Variants in ANKRD11 observed in about 807,000 individuals in gnomAD.
ANKRD11 encodes ankyrin repeat domain 11.
In ANKRD11, 17 loss-of-function variants were observed where a neutral mutation model predicts 195.7. The ratio of observed to expected loss-of-function variants is 0.09; its 90% CI spans 0.06 to 0.13. The LOEUF (loss-of-function observed/expected upper bound fraction) is 0.13, where lower values mean the gene tolerates loss of function less well. ANKRD11 is among the 10% of genes least tolerant of loss of function. ANKRD11 has a pLI of 1.00. For synonymous variants in ANKRD11, 1,953 were observed against 1,528.1 expected (o/e 1.28, Z -6.49); for missense variants, 3,735 against 3,566.1 (o/e 1.05, Z -1.21).
intron 1 of ANKRD11, among the ~76,000 whole-genome samples, chr16:89,462,787 G>A (rs2056732963): frequency 6.6e-6 from 1 of 150,978 alleles, no homozygotes; most frequent in South Asian, 2.1e-4. Flanking sequence ...AAGACCCTCT[G>A]CCCGGCAACC....
At position 89,319,638 on chromosome 16, in the gene ANKRD11, C is replaced by T. The variant is rs537748763; in HGVS notation, c.-59-2560G>A. On this transcript the variant is annotated intron_variant, in intron 2 of 12. Coordinates refer to ENST00000301030, the MANE Select transcript of ANKRD11 (RefSeq NM_013275.6). ...CCCCAGCCCCCGCCTCTCCATGAAC[C>T]ACCACCCTCATCACAGTCATGGAGA... is the stretch of plus-strand genomic sequence containing the variant. Among the ~76,000 whole-genome samples the T allele has an allele frequency of 1.2e-4, 18 of 152,334 alleles. 1 individual carries two copies. Among genetic ancestry groups the T allele is most frequent in the Admixed American group, 6.5e-4 (10 of 15,306 alleles).
chr16:89,415,895 T>C (rs900996543), intron 2 of ANKRD11, among the ~76,000 whole-genome samples: 2 of 142,398 alleles, frequency 1.4e-5, no homozygotes, highest in South Asian at 2.3e-4. Context: ...GGCCCTCACA[T>C]GCCCATGTGG....
chr16:89,470,073 T>C (rs1214394230), intron 1 of ANKRD11, among the ~76,000 whole-genome samples: 1 of 150,858 alleles, frequency 6.6e-6, no homozygotes, highest in East Asian at 2.0e-4. Context: ...GCCCGGCTAA[T>C]TTTTTTGTAT....
chr16:89,466,383 G>A (rs985944120), intron 1 of ANKRD11, among the ~76,000 whole-genome samples: 3 of 152,232 alleles, frequency 2.0e-5, no homozygotes, highest in African/African-American at 7.2e-5. Context: ...GGGACCGCAT[G>A]AGGATGGAAA....
intron 2 of ANKRD11, among the ~76,000 whole-genome samples, chr16:89,417,826 C>A (rs1307528429): frequency 3.3e-5 from 5 of 151,972 alleles, no homozygotes; most frequent in African/African-American, 7.3e-5. Context: ...AATCCTCATC[C>A]AAGGACAACC....
rs868812810 is a variant in ANKRD11, at chr16:89,368,381, T to G, written c.-60+49903A>C. Among the ~76,000 whole-genome samples, 275 of 124,084 alleles carry G rather than the reference T, an allele frequency of 2.2e-3. 1 individual carries two copies. Among genetic ancestry groups the G allele is most frequent in the African/African-American group, 9.8e-3 (255 of 25,910 alleles). 81.4% of individuals were successfully genotyped at this position (124,084 alleles called of 152,430 possible). On this transcript the variant is annotated intron_variant, in intron 2 of 12. Coordinates refer to ENST00000301030, the MANE Select transcript of ANKRD11 (RefSeq NM_013275.6). ...CTGGCTAATTTTTGTGTTTTTTTTT[T>G]TTTTTTTTTTTTTTTTTTTTTAGTA...
chr16:89,350,739 C>G (rs1472911754), intron 2 of ANKRD11, among the ~76,000 whole-genome samples: 1 of 152,140 alleles, frequency 6.6e-6, no homozygotes, highest in African/African-American at 2.4e-5. Flanking sequence ...AAGACAGTTC[C>G]AACTGATTCC....
chr16:89,324,340 C>A, intron 2 of ANKRD11: 2 of 1,165,540 alleles, frequency 1.7e-6, no homozygotes, highest in Non-Finnish European at 1.1e-6. Context: ...GACGTGGGTG[C>A]CTCACAGAAG....
rs967136562 is a variant in ANKRD11, at chr16:89,287,175, G to A, written c.745-989C>T. On this transcript the variant is annotated intron_variant, in intron 7 of 12. Coordinates refer to ENST00000301030, the MANE Select transcript of ANKRD11 (RefSeq NM_013275.6). ...GGAGGTCCCCAGTCCCAGCTGCTTAGGGGCCACCACACTCCTCGGCCCTCC... is the reference window on the plus strand; with the variant it reads ...GGAGGTCCCCAGTCCCAGCTGCTTAAGGGCCACCACACTCCTCGGCCCTCC... 32 of 1,197,960 alleles carry A rather than the reference G, an allele frequency of 2.7e-5. No individual in the cohort carries two copies. In the Admixed American group the frequency reaches 5.2e-4, roughly 19 times the overall value. 74.2% of individuals were successfully genotyped at this position (1,197,960 alleles called of 1,614,324 possible). A position where few individuals can be genotyped will look rare whatever the true frequency, so the allele number is the denominator to read the frequency against.
Position 89,284,456 on chromosome 16 carries a change from T to C in ANKRD11, c.2086A>G (p.Lys696Glu). Residue 696 changes from lysine to glutamate, a missense_variant, in exon 9 of 13, where the codon AAA becomes GAA. Physicochemically the swap from Lys to Glu is moderately conservative, Grantham distance 56. Coordinates refer to ENST00000301030, the MANE Select transcript of ANKRD11 (RefSeq NM_013275.6). ...TTCATTTTGCTAAGTTTCTCTTCTT[T>C]TTTAAAGTGGTCGCGATCGTGCTTT... ...VLKHDRDHFK[K>E]EEKLSKMKLE... is the part of the protein sequence containing the mutation. The C allele has an allele frequency of 6.2e-7, 1 of 1,613,994 alleles. No homozygotes were observed. Among genetic ancestry groups the C allele is most frequent in the South Asian group, 1.1e-5 (1 of 90,994 alleles).
intron 2 of ANKRD11, among the ~76,000 whole-genome samples, chr16:89,374,605 A>T (rs1413851906): frequency 6.6e-6 from 1 of 152,232 alleles, no homozygotes; most frequent in East Asian, 1.9e-4. Flanking sequence ...GAGCAACCTC[A>T]GGAGAGCTGT....
intron 2 of ANKRD11, among the ~76,000 whole-genome samples, chr16:89,405,472 G>C (rs1242486440): frequency 6.6e-6 from 1 of 150,386 alleles, no homozygotes; most frequent in East Asian, 1.9e-4. Context: ...CTACAGGCAC[G>C]TGCCACCACA....
chr16:89,464,111 C>T (rs1245180187), intron 1 of ANKRD11, among the ~76,000 whole-genome samples: 13 of 151,432 alleles, frequency 8.6e-5, no homozygotes, highest in African/African-American at 2.9e-4. Context: ...TGGTGGCGGG[C>T]GCCTGTAGTC....
chr16:89,461,180 AC>A (rs33936253), intron 1 of ANKRD11, among the ~76,000 whole-genome samples: 4,229 of 58,150 alleles, frequency 0.073, 714 homozygotes, highest in African/African-American at 0.087. Context: ...ATATCGTATG[AC>A]CCCCCCCCCC....
intron 3 of ANKRD11, among the ~76,000 whole-genome samples, chr16:89,315,775 A>C (rs1362471927): frequency 6.6e-6 from 1 of 152,142 alleles, no homozygotes; most frequent in Non-Finnish European, 1.5e-5. Flanking sequence ...GATTCACCAA[A>C]AAGAAGTGGA....
In ANKRD11 at chr16:89,279,126, G is replaced by A. The variant is rs1370230964; in HGVS notation, c.7416C>T (p.Tyr2472=). 1.4e-5 allele frequency: 22 copies of A among 1,613,894 alleles called. No individual in the cohort carries two copies. The highest frequency in any genetic ancestry group is 2.7e-5 in the African/African-American group (2 of 74,934). Residue 2472 remains tyrosine, a synonymous_variant, in exon 9 of 13, where the codon TAC becomes TAT. Transcript: ENST00000301030. This position sits in a 1 kb window ranked among gnomAD's most constrained non-coding sequence, Gnocchi z 5.6. ...APQCYAEYVT[Y]TGSYLLDGKP... ...TGCCGTCCAGGAGGTAGGAGCCCGTGTAGGTGACGTACTCGGCGTAGCACT... is the reference window on the plus strand; with the variant it reads ...TGCCGTCCAGGAGGTAGGAGCCCGTATAGGTGACGTACTCGGCGTAGCACT...
At chr16:89,286,224 G>C in intron 7 of ANKRD11, 38 bp from the exon 8 acceptor site, 1 of 1,607,818 alleles carries the variant, frequency 6.2e-7, no homozygotes, top group Non-Finnish European at 8.5e-7. Context: ...GACTGCTGGA[G>C]AAGCACAACT....
At chr16:89,362,644 G>A (rs4785561) in intron 2 of ANKRD11, among the ~76,000 whole-genome samples, 70,729 of 151,762 alleles carry the variant, frequency 0.47, 17,200 homozygotes, top group Middle Eastern at 0.72. Context: ...AAAGACCTGT[G>A]CTGACATTCC....
intron 2 of ANKRD11, among the ~76,000 whole-genome samples, chr16:89,406,124 A>C (rs2041897683): frequency 6.6e-6 from 1 of 152,002 alleles, no homozygotes; most frequent in South Asian, 2.1e-4. Context: ...AAAAAAAAAA[A>C]AAAAACCTTC....
Sources: allele counts gnomAD v4.1 joint callset (sites outside exome capture counted in the v4.1 genomes callset), GRCh38; gene constraint gnomAD v4.1.1; non-coding constraint Gnocchi (gnomAD v3.1); transcripts MANE v1.5; gene names NCBI Gene and HGNC (gene_info 2026-07-23, HGNC 2026-07-21).